Variants in WDR47 observed in about 807,000 individuals in gnomAD.
WDR47 encodes the protein WD repeat-containing protein 47.
A neutral mutation model predicts 97.2 loss-of-function variants in WDR47; 32 were observed. The ratio of observed to expected loss-of-function variants is 0.33; its 90% CI spans 0.25 to 0.44. WDR47 has a LOEUF of 0.44. WDR47 is among the 20% of genes least tolerant of loss of function. WDR47 has a pLI of 1.00. For missense variants in WDR47, 782 were observed against 1,102.3 expected (o/e 0.71, Z 4.11); for synonymous variants, 375 against 373.5 (o/e 1.00, Z -0.05).
At chr1:109,025,195 T>C (rs1662114287) in intron 1 of WDR47, among the ~76,000 whole-genome samples, 1 of 151,830 alleles carries the variant, frequency 6.6e-6, no homozygotes, top group Non-Finnish European at 1.5e-5. Context: ...TCCAGCACTT[T>C]GAGAGGTCGA....
At chr1:109,037,365 G>A (rs967237439) in intron 1 of WDR47, among the ~76,000 whole-genome samples, 3 of 150,938 alleles carry the variant, frequency 2.0e-5, no homozygotes, top group Non-Finnish European at 4.4e-5. Flanking sequence ...AAGACTGGGC[G>A]TGGTGGCTCA....
intron 2 of WDR47, among the ~76,000 whole-genome samples, chr1:109,019,881 G>C (rs950946090): frequency 6.6e-6 from 1 of 152,160 alleles, no homozygotes; most frequent in African/African-American, 2.4e-5. Flanking sequence ...TTAGAACAGA[G>C]AAATTTTAAA....
intron 1 of WDR47, among the ~76,000 whole-genome samples, chr1:109,039,450 G>A (rs1425884382): frequency 1.3e-5 from 2 of 151,952 alleles, no homozygotes; most frequent in African/African-American, 2.4e-5. Flanking sequence ...TAAAGACAGG[G>A]TTTCACCATG....
chr1:108,991,144 T>C (rs1402890667), intron 9 of WDR47, 110 bp downstream of exon 9: 4 of 996,354 alleles, frequency 4.0e-6, no homozygotes, highest in African/African-American at 3.2e-5. Context: ...TCCTGGGTAC[T>C]GTACACCACC....
chr1:108,993,866 G>C (rs1454111171), intron 8 of WDR47, among the ~76,000 whole-genome samples: 1 of 152,126 alleles, frequency 6.6e-6, no homozygotes, highest in African/African-American at 2.4e-5. Flanking sequence ...ACACCAACTT[G>C]AGGCAATTAC....
chr1:108,974,071 G>A (rs1379482330), intron 14 of WDR47, among the ~76,000 whole-genome samples: 3 of 152,066 alleles, frequency 2.0e-5, no homozygotes, highest in African/African-American at 7.2e-5. Flanking sequence ...GCATGCACCT[G>A]TAGTCCTAGC....
intron 13 of WDR47, among the ~76,000 whole-genome samples, chr1:108,976,983 G>C (rs1215484381): frequency 6.6e-6 from 1 of 152,152 alleles, no homozygotes; most frequent in Non-Finnish European, 1.5e-5. Flanking sequence ...AGGTGACCAG[G>C]CTTATTTTTT....
rs57237933 is a variant in WDR47, at chr1:109,012,572, C to CAAAAAAAAAAAAAAAAAAA, written c.328-855_328-854insTTTTTTTTTTTTTTTTTTT. ...TGGGTGACAGTGTGAGACTCCATCT[C>CAAAAAAAAAAAAAAAAAAA]AAAAAAAAAAAAAAAAAACAGAAAG... On this transcript the variant is annotated intron_variant, in intron 4 of 14. Coordinates refer to ENST00000369962, the MANE Select transcript of WDR47 (RefSeq NM_001142551.2). Among the ~76,000 whole-genome samples the CAAAAAAAAAAAAAAAAAAA allele has an allele frequency of 2.1e-3, 153 of 73,818 alleles. 6 individuals are homozygous for CAAAAAAAAAAAAAAAAAAA. Among genetic ancestry groups the CAAAAAAAAAAAAAAAAAAA allele is most frequent in the Middle Eastern group, 8.8e-3 (1 of 114 alleles). 48.4% of individuals were successfully genotyped at this position (73,818 alleles called of 152,430 possible).
At chr1:108,978,438 C>T (rs1379658277) in intron 13 of WDR47, among the ~76,000 whole-genome samples, 1 of 151,578 alleles carries the variant, frequency 6.6e-6, no homozygotes, top group Non-Finnish European at 1.5e-5. Context: ...GAGATTGCGC[C>T]ACTGCACTCC....
chr1:108,993,655 AG>A (rs1299573471), intron 8 of WDR47, among the ~76,000 whole-genome samples: 3 of 152,212 alleles, frequency 2.0e-5, no homozygotes, highest in African/African-American at 7.2e-5. Flanking sequence ...ACCTACATAA[AG>A]TGATCAAAAA....
At chr1:109,038,810 C>G (rs1663136094) in intron 1 of WDR47, among the ~76,000 whole-genome samples, 1 of 152,052 alleles carries the variant, frequency 6.6e-6, no homozygotes, top group African/African-American at 2.4e-5. Context: ...AACCCTGTCT[C>G]TACTAAAAAT....
intron 5 of WDR47, among the ~76,000 whole-genome samples, chr1:109,008,045 T>C (rs1660751881): frequency 6.6e-6 from 1 of 151,172 alleles, no homozygotes; most frequent in South Asian, 2.1e-4. Flanking sequence ...GAGGTTGCAG[T>C]GAGCCGAGAT....
intron 1 of WDR47, among the ~76,000 whole-genome samples, chr1:109,034,040 G>T (rs1242154649): frequency 6.6e-6 from 1 of 152,270 alleles, no homozygotes; most frequent in African/African-American, 2.4e-5. Flanking sequence ...AGTAATCCCA[G>T]TATTTTGGGA....
Position 108,981,408 on chromosome 1 carries a change from A to G in WDR47, c.2398+325T>C, listed in dbSNP as rs527923950. Among the ~76,000 whole-genome samples, 23 of 152,308 alleles carry G rather than the reference A, an allele frequency of 1.5e-4. No individual in the cohort carries two copies. The South Asian group carries it at 1.9e-3, about 12-fold the overall frequency. On this transcript the variant is annotated intron_variant, in intron 13 of 14. Transcript: ENST00000369962. ...GAAATAGGAATGGAAAGAAAATAGT[A>G]CACTCTTTTGTTCAATTTCACTTTT...
chr1:109,028,486 C>T (rs1201164786), intron 1 of WDR47, among the ~76,000 whole-genome samples: 2 of 142,904 alleles, frequency 1.4e-5, no homozygotes, highest in East Asian at 4.5e-4. Context: ...GCTGGGATTA[C>T]AGGCATGAGC....
chr1:109,030,453 G>GA (rs1388769190), intron 1 of WDR47: 49 of 310,012 alleles, frequency 1.6e-4, no homozygotes, highest in Middle Eastern at 9.2e-4. Flanking sequence ...CATTATGAAG[G>GA]AAAAAAAACA....
chr1:109,006,160 C>T (rs921804537), intron 5 of WDR47, among the ~76,000 whole-genome samples: 2 of 151,904 alleles, frequency 1.3e-5, no homozygotes, highest in Admixed American at 6.6e-5. Flanking sequence ...TTTGGGAGGC[C>T]GAGGGTGGCA....
At chr1:109,018,536 T>C (rs952557596) in intron 2 of WDR47, among the ~76,000 whole-genome samples, 1 of 152,012 alleles carries the variant, frequency 6.6e-6, no homozygotes, top group Non-Finnish European at 1.5e-5. Flanking sequence ...AACAAGTGGC[T>C]GGGCGCAGTG....
chr1:109,013,556 A>C (rs1024403702), intron 4 of WDR47, among the ~76,000 whole-genome samples: 1 of 152,230 alleles, frequency 6.6e-6, no homozygotes. Flanking sequence ...AGAAATGATG[A>C]AGAGTCATCA....
Sources: gnomAD v4.1 joint callset for allele counts (sites outside exome capture counted in the v4.1 genomes callset) on GRCh38, gnomAD v4.1.1 for gene constraint, MANE v1.5 for transcripts, NCBI Gene and HGNC (gene_info 2026-07-23, HGNC 2026-07-21) for gene names.